The following PHIP variants were observed in gnomAD, a reference collection of about 807,000 sequenced individuals.
PHIP encodes PHIP subunit of CUL4-Ring ligase complex, also known as PH-interacting protein.
A neutral mutation model predicts 236.8 loss-of-function variants in PHIP; 54 were observed. The ratio of observed to expected loss-of-function variants is 0.23; its 90% confidence interval spans 0.18 to 0.29. PHIP has a LOEUF of 0.29. Ranked by LOEUF, PHIP falls within the 10% of genes least tolerant of loss-of-function variation. PHIP has a pLI of 1.00. For missense variants in PHIP, 1,370 were observed against 2,190.8 expected (o/e 0.63, Z 7.48); for synonymous variants, 756 against 718.9 (o/e 1.05, Z -0.83).
At chr6:78,998,212 C>A in intron 18 of PHIP, 42 bp downstream of exon 18, 1 of 1,553,792 alleles carries the variant, frequency 6.4e-7, no homozygotes, top group Non-Finnish European at 8.9e-7. Flanking sequence ...TAGGCTGTTT[C>A]AAATTTTTAA....
At chr6:79,032,122 A>T (rs1043237633) in intron 7 of PHIP, among the ~76,000 whole-genome samples, 4 of 152,244 alleles carry the variant, frequency 2.6e-5, no homozygotes, top group Non-Finnish European at 2.9e-5. Context: ...GGCATACATT[A>T]ACTTAAAAAT....
intron 17 of PHIP, among the ~76,000 whole-genome samples, chr6:78,998,736 G>A (rs1769793036): frequency 6.6e-6 from 1 of 152,120 alleles, no homozygotes; most frequent in Non-Finnish European, 1.5e-5. Context: ...TATCTAATAA[G>A]TGGCAATAGT....
intron 6 of PHIP, among the ~76,000 whole-genome samples, chr6:79,046,063 T>C (rs936172832): frequency 2.0e-5 from 3 of 152,122 alleles, no homozygotes; most frequent in Non-Finnish European, 4.4e-5. Flanking sequence ...AAACACCAAC[T>C]TCCTGATACA....
chr6:78,941,056 T>C lies in PHIP; in HGVS notation c.5103A>G (p.Val1701=), dbSNP rs760828705. 1.6e-5 allele frequency: 26 copies of C among 1,613,922 alleles called. No homozygotes were observed. Among genetic ancestry groups the C allele is most frequent in the African/African-American group, 2.7e-5 (2 of 74,944 alleles). ...TCNFLSETNN[V]KEDLLQKKNR... is the part of the protein sequence containing the mutation. The stretch of plus-strand genomic sequence containing the variant: ...TCTTTTTCTGTAACAAATCTTCCTT[T>C]ACATTATTAGTTTCAGAAAGAAAAT... The change falls in exon 40 of 40, where the codon GTA becomes GTG. Residue 1701 remains valine, a synonymous_variant. Transcript: ENST00000275034.
intron 15 of PHIP, among the ~76,000 whole-genome samples, chr6:79,008,135 G>A (rs2127736087): frequency 6.6e-6 from 1 of 151,610 alleles, no homozygotes; most frequent in South Asian, 2.1e-4. Context: ...AGGTTGCAGT[G>A]AGCTGAGATT....
intron 37 of PHIP, 97 bp from the exon 38 acceptor site, chr6:78,946,357 G>T: frequency 7.1e-7 from 1 of 1,415,462 alleles, no homozygotes; most frequent in Non-Finnish European, 9.4e-7. Context: ...GTACTATTAT[G>T]AAATATGTTA....
At chr6:79,059,183 T>C (rs982445533) in intron 6 of PHIP, among the ~76,000 whole-genome samples, 1 of 151,794 alleles carries the variant, frequency 6.6e-6, no homozygotes, top group Non-Finnish European at 1.5e-5. Flanking sequence ...ATGTAAAACA[T>C]AGAAGAAAGG....
At chr6:78,957,580 A>T (rs953226873) in intron 32 of PHIP, 10 of 135,100 alleles carry the variant, frequency 7.4e-5, no homozygotes, top group East Asian at 2.2e-4. Flanking sequence ...GATGTTTATT[A>T]AAAAAAAAAA....
At chr6:79,077,413 A>T in intron 4 of PHIP, 35 bp downstream of exon 4, 1 of 1,553,064 alleles carries the variant, frequency 6.4e-7, no homozygotes, top group South Asian at 1.1e-5. Context: ...CGACTCAGGG[A>T]AAAGTTTCTT....
chr6:79,059,198 C>A (rs918566721), intron 6 of PHIP, among the ~76,000 whole-genome samples: 1 of 151,594 alleles, frequency 6.6e-6, no homozygotes, highest in Non-Finnish European at 1.5e-5. Context: ...GAAAGGATAA[C>A]GAAGCAGATA....
intron 35 of PHIP, among the ~76,000 whole-genome samples, chr6:78,953,037 GTGT>G (rs1766158533): frequency 6.7e-6 from 1 of 150,186 alleles, no homozygotes; most frequent in East Asian, 2.0e-4. Flanking sequence ...CCTTATATAG[GTGT>G]TGTTTTTTTT....
In PHIP at chr6:78,938,706, T is replaced by C. The variant is rs1361057567; in HGVS notation, c.*1987A>G. ...AATATATTTGTTAGAAAAAAATAAA[T>C]ATACAAAAAACCTGAAAAATTTGAA... On this transcript the variant is annotated 3_prime_UTR_variant, in exon 40 of 40. Transcript: ENST00000275034. 6.6e-6 allele frequency: 1 copy of C among 151,638 alleles called. No individual in the cohort carries two copies. Among genetic ancestry groups the C allele is most frequent in the Non-Finnish European group, 1.5e-5 (1 of 67,620 alleles). 9.4% of individuals were successfully genotyped at this position (151,638 alleles called of 1,614,324 possible). A position where few individuals can be genotyped will look rare whatever the true frequency, so the allele number is the denominator to read the frequency against.
intron 7 of PHIP, among the ~76,000 whole-genome samples, chr6:79,029,576 C>G (rs117733807): frequency 0.03 from 4,623 of 152,240 alleles, 79 homozygotes; most frequent in Middle Eastern, 0.058. Context: ...GTTACCCTGG[C>G]TGGAGTACAG....
intron 7 of PHIP, among the ~76,000 whole-genome samples, chr6:79,037,880 TAAC>T (rs544908975): frequency 6.6e-6 from 1 of 152,038 alleles, no homozygotes; most frequent in African/African-American, 2.4e-5. Context: ...ATCTAAAAAA[TAAC>T]AACAAAGGCA....
chr6:79,063,147 C>T (rs540226238), intron 4 of PHIP, among the ~76,000 whole-genome samples: 9 of 152,162 alleles, frequency 5.9e-5, no homozygotes, highest in Admixed American at 5.2e-4. Context: ...ATGCACTATA[C>T]TAAAATTGCC....
chr6:79,014,175 T>C (rs569341770), intron 15 of PHIP, among the ~76,000 whole-genome samples: 4 of 151,706 alleles, frequency 2.6e-5, no homozygotes, highest in African/African-American at 9.7e-5. Flanking sequence ...ACTCACGACA[T>C]AGAAATAACT....
chr6:78,993,329 C>CTAGTT (rs1310911771), intron 19 of PHIP, among the ~76,000 whole-genome samples: 2 of 152,236 alleles, frequency 1.3e-5, no homozygotes, highest in African/African-American at 4.8e-5. Context: ...TAGCTAAGAT[C>CTAGTT]ACTGAAGACA....
At chr6:78,971,927 G>A (rs1767600951) in intron 24 of PHIP, among the ~76,000 whole-genome samples, 1 of 152,176 alleles carries the variant, frequency 6.6e-6, no homozygotes, top group Non-Finnish European at 1.5e-5. Flanking sequence ...AGGTCAAACT[G>A]CAAGGCGGCA....
At chr6:78,992,226 G>A (rs1166349319) in intron 19 of PHIP, among the ~76,000 whole-genome samples, 1 of 152,048 alleles carries the variant, frequency 6.6e-6, no homozygotes, top group African/African-American at 2.4e-5. Context: ...GCCTCCCAAA[G>A]TGCTGGGATT....
Sources: allele counts gnomAD v4.1 joint callset (sites outside exome capture counted in the v4.1 genomes callset), GRCh38; gene constraint gnomAD v4.1.1; transcripts MANE v1.5; gene names NCBI Gene and HGNC (gene_info 2026-07-23, HGNC 2026-07-21).